PRKACA: variants seen among roughly 807,000 people sequenced by gnomAD.
PRKACA encodes the protein protein kinase cAMP-activated catalytic subunit alpha.
A neutral mutation model predicts 45.8 loss-of-function variants in PRKACA; 9 were observed. The observed-to-expected ratio is 0.20, with a 90% CI of 0.12 to 0.34. PRKACA has a LOEUF of 0.34. PRKACA is among the 10% of genes least tolerant of loss of function. The pLI, the probability that PRKACA is intolerant of heterozygous loss-of-function variation, is 1.00. For synonymous variants in PRKACA, 160 were observed against 178.6 expected, an observed-to-expected ratio of 0.90 and a Z score of 0.83; for missense variants, 238 against 458.6, an observed-to-expected ratio of 0.52 and a Z score of 4.39.
At chr19:14,093,469 A>G (rs1977153974) in intron 9 of PRKACA, among the ~76,000 whole-genome samples, 159 bp downstream of exon 9, 1 of 152,172 alleles carries the variant, frequency 6.6e-6, no homozygotes, top group Non-Finnish European at 1.5e-5. Context: ...GGAATGGCCA[A>G]ATGACCCCAG....
At position 14,102,263 on chromosome 19, in the gene PRKACA, G is replaced by A. The variant is rs370381768; in HGVS notation, c.336+553C>T. Among the ~76,000 whole-genome samples, 22 of 151,430 alleles carry A rather than the reference G, an allele frequency of 1.5e-4. No homozygotes were observed. The South Asian group carries it at 4.6e-3, about 32-fold the overall frequency. ...AGAACAGGCCCTTGTGCTTCTCTGG[G>A]TCAAACGTCCATGAAGCTGGCCCTG... On this transcript the variant is annotated intron_variant, in intron 4 of 9. Coordinates refer to ENST00000308677, the MANE Select transcript of PRKACA (RefSeq NM_002730.4).
intron 1 of PRKACA, among the ~76,000 whole-genome samples, chr19:14,111,564 T>A (rs1010117349): frequency 6.6e-6 from 1 of 152,002 alleles, no homozygotes; most frequent in African/African-American, 2.4e-5. Context: ...AGCCTGGGGG[T>A]CACACCAAAT....
intron 1 of PRKACA, among the ~76,000 whole-genome samples, chr19:14,116,466 C>T (rs1446487586): frequency 2.0e-5 from 3 of 152,176 alleles, no homozygotes; most frequent in African/African-American, 7.2e-5. Context: ...CCCCAGTGCT[C>T]TTTCTGACCA....
In PRKACA at chr19:14,092,374, T is replaced by C. The variant is rs886669969; in HGVS notation, c.*738A>G. 5.7e-6 allele frequency: 2 copies of C among 351,418 alleles called. No homozygotes were observed. Among genetic ancestry groups the C allele is most frequent in the African/African-American group, 4.2e-5 (2 of 47,504 alleles). 21.8% of individuals were successfully genotyped at this position (351,418 alleles called of 1,614,324 possible). A position where few individuals can be genotyped will look rare whatever the true frequency, so the allele number is the denominator to read the frequency against. ...TAAAGGGGCCTAGACCCTCGCAGGATTGGCAGAGAGGATTCCCCGGGGAGG... is the reference window on the plus strand; with the variant it reads ...TAAAGGGGCCTAGACCCTCGCAGGACTGGCAGAGAGGATTCCCCGGGGAGG... On this transcript the variant is annotated 3_prime_UTR_variant, in exon 10 of 10. Coordinates refer to ENST00000308677, the MANE Select transcript of PRKACA (RefSeq NM_002730.4).
intron 8 of PRKACA, among the ~76,000 whole-genome samples, chr19:14,094,574 G>A (rs146078438): frequency 6.6e-6 from 1 of 152,318 alleles, no homozygotes; most frequent in Non-Finnish European, 1.5e-5. Context: ...TAAGGCAAGT[G>A]CTATGATGAT....
In PRKACA at chr19:14,097,880, C is replaced by A; in HGVS notation, c.430G>T (p.Ala144Ser). 6.2e-7 allele frequency: 1 copy of A among 1,614,118 alleles called. No individual in the cohort carries two copies. The highest frequency in any genetic ancestry group is 8.5e-7 in the Non-Finnish European group (1 of 1,180,018). The change falls in exon 6 of 10, where the codon GCC becomes TCC. Residue 144 changes from alanine (A) to serine (S), a missense_variant. Physicochemically the swap from Ala to Ser is moderately conservative, Grantham distance 99. Around this residue, in one of 3 missense-constraint regions of PRKACA, gnomAD observed 94 missense variants for 240.9 expected, o/e 0.39. Coordinates refer to ENST00000308677, the MANE Select transcript of PRKACA (RefSeq NM_002730.4). This position sits in a 1 kb window ranked among gnomAD's most constrained non-coding sequence, Gnocchi z 5.4. ...RRIGRFSEPH[A>S]RFYAAQIVLT... Reference sequence around the variant, plus strand: ...ACGATCTGGGCCGCGTAGAAACGGGCATGGGGCTCACTGATGGGGACAAAT... The same window carrying A: ...ACGATCTGGGCCGCGTAGAAACGGGAATGGGGCTCACTGATGGGGACAAAT...
At chr19:14,105,881 T>C (rs897750276) in intron 3 of PRKACA, among the ~76,000 whole-genome samples, 4 of 152,220 alleles carry the variant, frequency 2.6e-5, no homozygotes, top group African/African-American at 9.7e-5. Context: ...GGGAAGAAAG[T>C]GCACATAAAC....
intron 3 of PRKACA, among the ~76,000 whole-genome samples, chr19:14,104,550 G>C (rs1977547282): frequency 6.6e-6 from 1 of 151,404 alleles, no homozygotes; most frequent in African/African-American, 2.4e-5. Context: ...CAAAAAATTA[G>C]CCAGGCGTGG....
chr19:14,111,354 G>C (rs1161771351), intron 1 of PRKACA, among the ~76,000 whole-genome samples: 2 of 151,574 alleles, frequency 1.3e-5, no homozygotes, highest in African/African-American at 4.9e-5. Flanking sequence ...CTCAGATCGC[G>C]CCATTGCACT....
In PRKACA at chr19:14,092,306, G is replaced by A. The variant is rs879265053; in HGVS notation, c.*806C>T. ...CTTTGTCTGGCTTTCAAAGCCCAAGGGTGAAGACAGGTCTGTTGGGGAAAA... is the reference window on the plus strand; with the variant it reads ...CTTTGTCTGGCTTTCAAAGCCCAAGAGTGAAGACAGGTCTGTTGGGGAAAA... On this transcript the variant is annotated 3_prime_UTR_variant, in exon 10 of 10. Coordinates refer to ENST00000308677, the MANE Select transcript of PRKACA (RefSeq NM_002730.4). 1.2e-5 allele frequency: 3 copies of A among 248,730 alleles called. No homozygotes were observed. The highest frequency in any genetic ancestry group is 2.3e-5 in the Non-Finnish European group (3 of 130,918). 15.4% of individuals were successfully genotyped at this position (248,730 alleles called of 1,614,324 possible).
Position 14,102,853 on chromosome 19 carries a change from T to G in PRKACA, c.299A>C (p.Asn100Thr). 2 of 1,614,162 alleles carry G rather than the reference T, an allele frequency of 1.2e-6. No homozygotes were observed. Among genetic ancestry groups the G allele is most frequent in the Non-Finnish European group, 1.7e-6 (2 of 1,180,028 alleles). Residue 100 changes from asparagine to threonine, a missense_variant, in exon 4 of 10, where the codon AAC becomes ACC. Around this residue, in one of 3 missense-constraint regions of PRKACA, gnomAD observed 93 missense variants for 149.1 expected, o/e 0.62. Coordinates refer to ENST00000308677, the MANE Select transcript of PRKACA (RefSeq NM_002730.4). ...LNEKRILQAV[N>T]FPFLVKLEFS... is the part of the protein sequence containing the mutation. ...CTCGAGTTTGACGAGGAACGGAAAG[T>G]TGACAGCTTGCAGGATGCGCTTTTC...
chr19:14,093,041 A>AGGGGCCCC lies in PRKACA; in HGVS notation c.*70_*71insGGGGCCCC. 1 of 500,030 alleles carries AGGGGCCCC rather than the reference A, an allele frequency of 2.0e-6. No homozygotes were observed. Among genetic ancestry groups the AGGGGCCCC allele is most frequent in the Non-Finnish European group, 3.6e-6 (1 of 278,314 alleles). The allele number at this position is 500,030 out of a possible 1,614,324, so 31.0% of individuals were successfully genotyped here. Reference sequence around the variant, plus strand: ...CTGGGGCCCTCTGGCTGTTCAATCCAACCCTCCCACCCCCCCGACCAAAAA... The same window carrying AGGGGCCCC: ...CTGGGGCCCTCTGGCTGTTCAATCCAGGGGCCCCACCCTCCCACCCCCCCGACCAAAAA... On this transcript the variant is annotated 3_prime_UTR_variant, in exon 10 of 10. Transcript: ENST00000308677.
intron 3 of PRKACA, among the ~76,000 whole-genome samples, chr19:14,106,207 C>CA (rs914155087): frequency 1.3e-4 from 19 of 151,342 alleles, no homozygotes; most frequent in African/African-American, 3.6e-4. Flanking sequence ...AAACAAACAA[C>CA]AAAAAAAAAT....
chr19:14,100,751 C>T, intron 5 of PRKACA, 75 bp downstream of exon 5: 2 of 1,458,824 alleles, frequency 1.4e-6, no homozygotes, highest in Non-Finnish European at 1.9e-6. Context: ...CCTCTGCATT[C>T]CCAGGGGGCT....
At position 14,097,982 on chromosome 19, in the gene PRKACA, A is replaced by G; in HGVS notation, c.420-92T>C. 1 of 1,513,068 alleles carries G rather than the reference A, an allele frequency of 6.6e-7. No individual in the cohort carries two copies. The highest frequency in any genetic ancestry group is 9.0e-7 in the Non-Finnish European group (1 of 1,109,246). 93.7% of individuals were successfully genotyped at this position (1,513,068 alleles called of 1,614,324 possible). The stretch of plus-strand genomic sequence containing the variant: ...TGCAGAGCCTACCCCAGAGGAAGAC[A>G]CCTCCAGTCCAGCCGTCAGAAACGC... On this transcript the variant is annotated intron_variant, in intron 5 of 9. Transcript: ENST00000308677. This position sits in a 1 kb window ranked among gnomAD's most constrained non-coding sequence, Gnocchi z 5.4.
At chr19:14,113,615 GACA>G (rs574794588) in intron 1 of PRKACA, among the ~76,000 whole-genome samples, 71 of 152,312 alleles carry the variant, frequency 4.7e-4, no homozygotes, top group Non-Finnish European at 1.3e-4. Flanking sequence ...CCTTCCTCCG[GACA>G]ACAATCTCAG....
chr19:14,106,429 G>C (rs1013711030), intron 3 of PRKACA, among the ~76,000 whole-genome samples: 1 of 152,176 alleles, frequency 6.6e-6, no homozygotes, highest in Admixed American at 6.5e-5. Context: ...TGAGGCAGGT[G>C]TATCACCTGA....
chr19:14,095,716 C>G (rs1416067964), intron 8 of PRKACA, among the ~76,000 whole-genome samples: 1 of 151,714 alleles, frequency 6.6e-6, no homozygotes, highest in Non-Finnish European at 1.5e-5. Flanking sequence ...CAGGGTTTCA[C>G]CATGTTAGCC....
chr19:14,108,692 G>A (rs969412120), intron 1 of PRKACA, among the ~76,000 whole-genome samples: 2 of 151,462 alleles, frequency 1.3e-5, no homozygotes, highest in Non-Finnish European at 2.9e-5. Flanking sequence ...TTACAGGCGT[G>A]AGCCACCATG....
Sources: gnomAD v4.1 joint callset for allele counts (sites outside exome capture counted in the v4.1 genomes callset) on GRCh38, gnomAD v4.1.1 for gene constraint, gnomAD v4.1.1 regional missense constraint, Gnocchi (gnomAD v3.1) non-coding constraint, MANE v1.5 for transcripts, NCBI Gene and HGNC (gene_info 2026-07-23, HGNC 2026-07-21) for gene names.